Variants in AP2B1 observed in about 807,000 individuals in gnomAD.
The protein encoded by AP2B1 is adaptor related protein complex 2 subunit beta 1, also known as AP-2 complex subunit beta.
AP2B1 carries 23 observed loss-of-function variants against 102.0 expected under a neutral mutation model. The observed-to-expected ratio is 0.23, with a 90% CI of 0.16 to 0.32. The LOEUF (loss-of-function observed/expected upper bound fraction) is 0.32, where lower values mean the gene tolerates loss of function less well. AP2B1 is among the 10% of genes least tolerant of loss of function. The probability of loss-of-function intolerance (pLI) is 1.00; values close to 1 mark genes in which losing one functional copy is unlikely to be tolerated. For missense variants in AP2B1, 541 were observed against 1,157.4 expected, an observed-to-expected ratio of 0.47 and a Z score of 7.73; for synonymous variants, 381 against 421.2, an observed-to-expected ratio of 0.90 and a Z score of 1.17.
At chr17:35,596,991 C>T in intron 2 of AP2B1, 1 of 655,564 alleles carries the variant, frequency 1.5e-6, no homozygotes, top group Admixed American at 1.9e-5. Flanking sequence ...CGGAGAGGAG[C>T]CTGGCGCCTG....
chr17:35,607,418 A>G lies in AP2B1; in HGVS notation c.280-724A>G, dbSNP rs1195176146. ...GTTTGTTCTCCATGACTGGTGGTTC[A>G]TAGAGGGAATATATCATTGGGAAGA... is the stretch of plus-strand genomic sequence containing the variant. On this transcript the variant is annotated intron_variant, in intron 4 of 21. Transcript: ENST00000610402. Among the ~76,000 whole-genome samples, 7 of 152,356 alleles carry G rather than the reference A, an allele frequency of 4.6e-5. No homozygotes were observed. The East Asian group carries it at 9.6e-4, about 21-fold the overall frequency.
In AP2B1 at chr17:35,626,616, C is replaced by T; in HGVS notation, c.717-5C>T. 1 of 1,597,340 alleles carries T rather than the reference C, an allele frequency of 6.3e-7. No individual in the cohort carries two copies. The highest frequency in any genetic ancestry group is 8.6e-7 in the Non-Finnish European group (1 of 1,166,162). ...ATGATATTAATTTTCATTCTCCACCCTCAGCATCTGTGAGCGGGTAACTCC... is the reference window on the plus strand; with the variant it reads ...ATGATATTAATTTTCATTCTCCACCTTCAGCATCTGTGAGCGGGTAACTCC... On this transcript the variant is annotated splice_region_variant and splice_polypyrimidine_tract_variant and intron_variant, in intron 6 of 21. Transcript: ENST00000610402.
At chr17:35,680,849 A>T (rs2142991894) in intron 17 of AP2B1, among the ~76,000 whole-genome samples, 1 of 151,926 alleles carries the variant, frequency 6.6e-6, no homozygotes, top group Non-Finnish European at 1.5e-5. Context: ...GGTGCCTGTT[A>T]CCTGGCTAAT....
chr17:35,692,318 A>G lies in AP2B1; in HGVS notation c.2454+9494A>G, dbSNP rs587709192. 6.6e-4 allele frequency among the ~76,000 whole-genome samples: 101 copies of G among 152,304 alleles called. 2 individuals carry two copies. Among genetic ancestry groups the G allele is most frequent in the African/African-American group, 2.3e-3 (95 of 41,558 alleles). On this transcript the variant is annotated intron_variant, in intron 18 of 21. Coordinates refer to ENST00000610402, the MANE Select transcript of AP2B1 (RefSeq NM_001030006.2). ...TAATAAAAGTGATTTGTGGGCTTTT[A>G]TTTGTTAAATTCACAGGCATCTTTT...
At chr17:35,594,348 T>C (rs917791865) in intron 2 of AP2B1, among the ~76,000 whole-genome samples, 1 of 152,180 alleles carries the variant, frequency 6.6e-6, no homozygotes, top group Non-Finnish European at 1.5e-5. Flanking sequence ...ATTGGTTAAG[T>C]GTGAGGAGGA....
chr17:35,715,849 C>CT (rs587691796), intron 20 of AP2B1, among the ~76,000 whole-genome samples: 105 of 152,270 alleles, frequency 6.9e-4, no homozygotes, highest in African/African-American at 2.5e-3. Flanking sequence ...TAAGTAATAA[C>CT]TAAGTGTGGT....
At chr17:35,656,716 T>C (rs1019870439) in intron 13 of AP2B1, among the ~76,000 whole-genome samples, 1 of 151,844 alleles carries the variant, frequency 6.6e-6, no homozygotes, top group Non-Finnish European at 1.5e-5. Context: ...ACCCCGTCTC[T>C]ACTAAAAATA....
chr17:35,657,626 C>T lies in AP2B1; in HGVS notation c.1824C>T (p.Gly608=). 1.2e-6 allele frequency: 2 copies of T among 1,613,732 alleles called. No individual in the cohort carries two copies. Among genetic ancestry groups the T allele is most frequent in the Non-Finnish European group, 1.7e-6 (2 of 1,179,740 alleles). Residue 608 remains glycine, a synonymous_variant, in exon 14 of 22, where the codon GGC becomes GGT. Coordinates refer to ENST00000610402, the MANE Select transcript of AP2B1 (RefSeq NM_001030006.2). ...CTGATGCAGGTGACAGCCCTGTTGG[C>T]ACTACCACTGCAACGAACCTGGAAC... ...GSTDAGDSPV[G]TTTATNLEQP...
At chr17:35,666,129 A>G (rs1196989622) in intron 14 of AP2B1, among the ~76,000 whole-genome samples, 1 of 152,148 alleles carries the variant, frequency 6.6e-6, no homozygotes, top group Non-Finnish European at 1.5e-5. Context: ...CTGAGCCTGT[A>G]TGCGGGCTCA....
chr17:35,597,753 C>T (rs2073340308), intron 2 of AP2B1, among the ~76,000 whole-genome samples: 1 of 152,178 alleles, frequency 6.6e-6, no homozygotes, highest in Admixed American at 6.5e-5. Flanking sequence ...ATTCAAGAGT[C>T]AGGAGACACA....
intron 2 of AP2B1, among the ~76,000 whole-genome samples, chr17:35,595,652 G>A (rs1052431441): frequency 6.6e-6 from 1 of 152,120 alleles, no homozygotes; most frequent in African/African-American, 2.4e-5. Flanking sequence ...TGATTGGGGG[G>A]AGGAGGAGGG....
At chr17:35,648,303 G>T (rs1677739544) in intron 12 of AP2B1, among the ~76,000 whole-genome samples, 1 of 152,122 alleles carries the variant, frequency 6.6e-6, no homozygotes, top group Admixed American at 6.5e-5. Context: ...ATGACTTAAA[G>T]TCAGGAGTTC....
chr17:35,594,658 A>G (rs149541935), intron 2 of AP2B1, among the ~76,000 whole-genome samples: 1 of 152,352 alleles, frequency 6.6e-6, no homozygotes, highest in African/African-American at 2.4e-5. Flanking sequence ...ATATACATCT[A>G]CCATGTTCTT....
At chr17:35,612,062 C>T (rs1598033949) in intron 5 of AP2B1, among the ~76,000 whole-genome samples, 1 of 152,262 alleles carries the variant, frequency 6.6e-6, no homozygotes, top group Middle Eastern at 3.4e-3. Flanking sequence ...ATTTTGTTGT[C>T]TCTTTATTTA....
chr17:35,711,192 T>C (rs1555587318), intron 20 of AP2B1, among the ~76,000 whole-genome samples: 1 of 152,154 alleles, frequency 6.6e-6, no homozygotes, highest in Non-Finnish European at 1.5e-5. Flanking sequence ...TCTTTAGAGC[T>C]CTTTCTTTCT....
intron 12 of AP2B1, among the ~76,000 whole-genome samples, chr17:35,643,272 G>A (rs896256224): frequency 6.6e-6 from 1 of 152,028 alleles, no homozygotes; most frequent in African/African-American, 2.4e-5. Flanking sequence ...GGACAAGCTT[G>A]CTGTAAGTGG....
Position 35,645,615 on chromosome 17 carries a change from C to T in AP2B1, c.1536+3640C>T, listed in dbSNP as rs566420967. Among the ~76,000 whole-genome samples the T allele has an allele frequency of 1.6e-4, 24 of 152,172 alleles. 2 individuals carry two copies. The South Asian group carries it at 4.8e-3, about 30-fold the overall frequency. ...CTGTAATCCCAGCACTTTGGGAAGC[C>T]GAGGCAGGTAGATCATCTGAGGTCA... On this transcript the variant is annotated intron_variant, in intron 12 of 21. Coordinates refer to ENST00000610402, the MANE Select transcript of AP2B1 (RefSeq NM_001030006.2).
chr17:35,595,155 C>G (rs548488487), intron 2 of AP2B1, among the ~76,000 whole-genome samples: 1 of 152,284 alleles, frequency 6.6e-6, no homozygotes, highest in African/African-American at 2.4e-5. Flanking sequence ...CAGAATTGCT[C>G]AGCCAGGGAA....
intron 14 of AP2B1, among the ~76,000 whole-genome samples, chr17:35,668,720 C>T (rs1466025847): frequency 1.3e-5 from 2 of 152,152 alleles, no homozygotes; most frequent in African/African-American, 2.4e-5. Flanking sequence ...ATGCTTTCTT[C>T]ACCTTTGTTC....
Sources: gnomAD v4.1 joint callset for allele counts (sites outside exome capture counted in the v4.1 genomes callset) on GRCh38, gnomAD v4.1.1 for gene constraint, MANE v1.5 for transcripts, NCBI Gene and HGNC (gene_info 2026-07-23, HGNC 2026-07-21) for gene names.